The following IGFN1 variants were observed in gnomAD, a reference collection of about 807,000 sequenced individuals.
The protein encoded by IGFN1 is immunoglobulin-like and fibronectin type III domain-containing protein 1.
A neutral mutation model predicts 289.5 loss-of-function variants in IGFN1; 253 were observed. The observed-to-expected ratio is 0.87, with a 90% CI of 0.79 to 0.97. The LOEUF is 0.97. Ranked by LOEUF, IGFN1 falls within the 50% of genes least tolerant of loss-of-function variation. The probability of loss-of-function intolerance (pLI) is 0.00; values close to 1 mark genes in which losing one functional copy is unlikely to be tolerated. For synonymous variants in IGFN1, 1,706 were observed against 1,788.5 expected (o/e 0.95, Z 1.16); for missense variants, 4,470 against 4,686.1 (o/e 0.95, Z 1.35).
chr1:201,196,076 C>T, intron 4 of IGFN1, 98 bp downstream of exon 4: 4 of 1,221,614 alleles, frequency 3.3e-6, no homozygotes, highest in South Asian at 1.6e-5. Flanking sequence ...AGGAGTAAGA[C>T]ATACTCCTCG....
In IGFN1 at chr1:201,206,684, G is replaced by T; in HGVS notation, c.1791G>T (p.Trp597Cys). ...ACAGGCATGCCCCAGAGCAACTGTG[G>T]GATGCTCGACTGGGACCTGGGAGAG... ...QLDRHAPEQL[W>C]DARLGPGRGK... The change falls in exon 12 of 24, where the codon TGG becomes TGT. Residue 597 changes from tryptophan (W) to cysteine (C), a missense_variant. This residue lies in a region of IGFN1 where 2,011 missense variants were observed against 1,953.4 expected (regional missense o/e 1.03). Transcript: ENST00000335211. 6.5e-7 allele frequency: 1 copy of T among 1,537,056 alleles called. No individual in the cohort carries two copies. Among genetic ancestry groups the T allele is most frequent in the Non-Finnish European group, 8.7e-7 (1 of 1,146,898 alleles).
In IGFN1 at chr1:201,215,724, G is replaced by A; in HGVS notation, c.9181G>A (p.Gly3061Ser). The A allele has an allele frequency of 6.2e-7, 1 of 1,612,164 alleles. No homozygotes were observed. The highest frequency in any genetic ancestry group is 8.5e-7 in the Non-Finnish European group (1 of 1,179,150). ...GGAGGCCCAGGTGGACCTGGGGGAT[G>A]GCTACACGCGGCTGTGCCTCCCCAG... ...DREAQVDLGD[G>S]YTRLCLPSAG... Residue 3061 changes from glycine to serine, a missense_variant, in exon 15 of 24, where the codon GGC becomes AGC. Physicochemically the swap from Gly to Ser is moderately conservative, Grantham distance 56. Transcript: ENST00000335211.
In IGFN1 at chr1:201,212,137, T is replaced by A; in HGVS notation, c.7244T>A (p.Val2415Glu). ...GPERARETRL[V>E]DGAGPGVEPG... ...GAGCGAGCCAGGGAAACCAGGCTTGTGGATGGGGCAGGACCTGGGGTGGAA... is the reference window on the plus strand; with the variant it reads ...GAGCGAGCCAGGGAAACCAGGCTTGAGGATGGGGCAGGACCTGGGGTGGAA... The change falls in exon 12 of 24, where the codon GTG becomes GAG. Residue 2415 changes from valine to glutamate, a missense_variant. Val to Glu is a moderately radical substitution (Grantham distance 121, BLOSUM62 -2). This residue lies in a region of IGFN1 where 2,218 missense variants were observed against 2,114.1 expected (regional missense o/e 1.05). Transcript: ENST00000335211. 1.3e-6 allele frequency: 2 copies of A among 1,536,118 alleles called. No homozygotes were observed. Among genetic ancestry groups the A allele is most frequent in the Non-Finnish European group, 1.7e-6 (2 of 1,146,714 alleles).
At chr1:201,221,772 C>A (rs1391416732) in intron 19 of IGFN1, 26 bp downstream of exon 19, 2 of 1,548,526 alleles carry the variant, frequency 1.3e-6, no homozygotes, top group Non-Finnish European at 1.7e-6. Context: ...TTCCCCGACC[C>A]CTGAGCCCTG....
At position 201,214,251 on chromosome 1, in the gene IGFN1, A is replaced by G; in HGVS notation, c.8803A>G (p.Thr2935Ala). The G allele has an allele frequency of 6.2e-7, 1 of 1,613,546 alleles. No homozygotes were observed. The highest frequency in any genetic ancestry group is 8.5e-7 in the Non-Finnish European group (1 of 1,179,678). Residue 2935 changes from threonine to alanine, a missense_variant, in exon 13 of 24, where the codon ACC (threonine) becomes GCC (alanine). Transcript: ENST00000335211. ...QPGEAATLSC[T>A]LTSDLGPGTW... ...GGGGGAGGCCGCCACACTCTCCTGT[A>G]CCCTCACCAGTGACCTGGGACCTGG...
rs1197901206 is a variant in IGFN1, at chr1:201,213,111, G to A, written c.8218G>A (p.Gly2740Ser). The A allele has an allele frequency of 1.3e-6, 2 of 1,551,510 alleles. No individual in the cohort carries two copies. The highest frequency in any genetic ancestry group is 1.7e-6 in the Non-Finnish European group (2 of 1,146,990). Reference sequence around the variant, plus strand: ...GTCCGGACCTCAGGGAGCCTGGAATGGCTTAGATGGTCCCTTTGGCAGAAA... The same window carrying A: ...GTCCGGACCTCAGGGAGCCTGGAATAGCTTAGATGGTCCCTTTGGCAGAAA... ...GESGPQGAWN[G>S]LDGPFGRKAS... Residue 2740 changes from glycine to serine, a missense_variant, in exon 12 of 24, where the codon GGC (glycine) becomes AGC (serine). Gly to Ser is a moderately conservative substitution (Grantham distance 56, BLOSUM62 0). Transcript: ENST00000335211.
At chr1:201,204,012 C>G (rs1478494603) in intron 10 of IGFN1, 106 bp downstream of exon 10, 4 of 1,040,308 alleles carry the variant, frequency 3.8e-6, no homozygotes. Context: ...GTGGCCCCAG[C>G]TGCAAAAGAC....
At chr1:201,218,974 G>C (rs1238438818) in intron 18 of IGFN1, among the ~76,000 whole-genome samples, 1 of 151,734 alleles carries the variant, frequency 6.6e-6, no homozygotes, top group Non-Finnish European at 1.5e-5. Context: ...GGAGTTTGAG[G>C]CTGCAGTGAA....
intron 4 of IGFN1, among the ~76,000 whole-genome samples, chr1:201,196,323 A>C (rs1450831971): frequency 6.6e-6 from 1 of 152,212 alleles, no homozygotes; most frequent in Non-Finnish European, 1.5e-5. Context: ...AAATGGGATA[A>C]TAATAGTACC....
chr1:201,222,877 G>C, intron 20 of IGFN1, 50 bp downstream of exon 20: 1 of 1,335,824 alleles, frequency 7.5e-7, no homozygotes, highest in Non-Finnish European at 1.1e-6. Flanking sequence ...GAGGCCAAGG[G>C]GGCCAGACTC....
rs1455821343 is a variant in IGFN1, at chr1:201,228,703, G to C, written c.*304G>C. 2.2e-6 allele frequency: 1 copy of C among 451,190 alleles called. No individual in the cohort carries two copies. Among genetic ancestry groups the C allele is most frequent in the East Asian group, 4.2e-5 (1 of 23,696 alleles). 27.9% of individuals were successfully genotyped at this position (451,190 alleles called of 1,614,324 possible). On this transcript the variant is annotated 3_prime_UTR_variant, in exon 24 of 24. Coordinates refer to ENST00000335211, the MANE Select transcript of IGFN1 (RefSeq NM_001164586.2). ...GCTTCAGGAGATCCAGAGGGCACCT[G>C]CCTGCAGGATGGGCCGGCTCCTTAT...
Position 201,221,966 on chromosome 1 carries a change from T to C in IGFN1, c.10201+220T>C, listed in dbSNP as rs894390405. On this transcript the variant is annotated intron_variant, in intron 19 of 23. Coordinates refer to ENST00000335211, the MANE Select transcript of IGFN1 (RefSeq NM_001164586.2). ...TCATAACTATACTACAATATTAATG[T>C]TTTTATTCCGAAGTTACAGAGAAGG... 10 of 405,426 alleles carry C rather than the reference T, an allele frequency of 2.5e-5. No individual in the cohort carries two copies. The Admixed American group carries it at 2.6e-4, about 11-fold the overall frequency. 25.1% of individuals were successfully genotyped at this position (405,426 alleles called of 1,614,324 possible). A position where few individuals can be genotyped will look rare whatever the true frequency, so the allele number is the denominator to read the frequency against.
intron 20 of IGFN1, 82 bp from the exon 21 acceptor site, chr1:201,224,597 C>A: frequency 1.7e-6 from 2 of 1,182,504 alleles, no homozygotes; most frequent in Non-Finnish European, 2.5e-6. Flanking sequence ...ACCGCTTCTA[C>A]CTTTGGCCTA....
In IGFN1 at chr1:201,209,767, G is replaced by C; in HGVS notation, c.4874G>C (p.Gly1625Ala). The change falls in exon 12 of 24, where the codon GGG becomes GCG. Residue 1625 changes from glycine (G) to alanine (A), a missense_variant. Gly to Ala is a moderately conservative substitution (Grantham distance 60). Around this residue, in one of 8 missense-constraint regions of IGFN1, gnomAD observed 31 missense variants for 121.0 expected, o/e 0.26. Transcript: ENST00000335211. ...GSKAGFRDGL[G>A]GSEEMGSVNK... ...AAGGCAGGTTTTAGGGATGGTTTAG[G>C]GGGTTCTGAAGAAATGGGGTCAGTG... The C allele has an allele frequency of 8.0e-7, 1 of 1,254,206 alleles. No homozygotes were observed. Among genetic ancestry groups the C allele is most frequent in the Non-Finnish European group, 1.1e-6 (1 of 911,988 alleles). The allele number at this position is 1,254,206 out of a possible 1,614,324, so 77.7% of individuals were successfully genotyped here. A position where few individuals can be genotyped will look rare whatever the true frequency, so the allele number is the denominator to read the frequency against.
At position 201,194,233 on chromosome 1, in the gene IGFN1, G is replaced by T. The variant is rs563155391; in HGVS notation, c.87G>T (p.Pro29=). The change falls in exon 3 of 24, where the codon CCG becomes CCT. Residue 29 remains proline (P), a synonymous_variant. Transcript: ENST00000335211. ...AGATCCCTGAAGGCTGCAGCACGCC[G>T]GACTTTGAGCAGAAGCCCGTCACCT... ...VEEIPEGCST[P]DFEQKPVTSA... The T allele has an allele frequency of 6.4e-7, 1 of 1,551,572 alleles. No homozygotes were observed. Among genetic ancestry groups the T allele is most frequent in the South Asian group, 1.2e-5 (1 of 84,054 alleles).
At position 201,227,168 on chromosome 1, in the gene IGFN1, G is replaced by T. The variant is rs760288110; in HGVS notation, c.11073G>T (p.Thr3691=). 28 of 1,609,754 alleles carry T rather than the reference G, an allele frequency of 1.7e-5. No homozygotes were observed. Among genetic ancestry groups the T allele is most frequent in the South Asian group, 2.2e-5 (2 of 90,474 alleles). ...SGEYKAVAEN[T]LGQAVSTATL... Reference sequence around the variant, plus strand: ...AGTACAAGGCTGTGGCTGAGAACACGCTGGGCCAGGCAGTCAGCACTGCCA... The same window carrying T: ...AGTACAAGGCTGTGGCTGAGAACACTCTGGGCCAGGCAGTCAGCACTGCCA... Residue 3691 remains threonine (T), a synonymous_variant, in exon 23 of 24, where the codon ACG becomes ACT. Coordinates refer to ENST00000335211, the MANE Select transcript of IGFN1 (RefSeq NM_001164586.2).
intron 3 of IGFN1, among the ~76,000 whole-genome samples, chr1:201,194,713 C>A (rs1666816936): frequency 6.6e-6 from 1 of 152,170 alleles, no homozygotes; most frequent in Non-Finnish European, 1.5e-5. Flanking sequence ...TCAGGAAGGC[C>A]CTTCTAGAAG....
At chr1:201,203,003 G>A (rs933950022) in intron 9 of IGFN1, among the ~76,000 whole-genome samples, 5 of 151,958 alleles carry the variant, frequency 3.3e-5, no homozygotes, top group African/African-American at 4.8e-5. Context: ...TGATTCACCC[G>A]CCTCAGGCTC....
At position 201,221,458 on chromosome 1, in the gene IGFN1, G is replaced by A. The variant is rs565007693; in HGVS notation, c.9913G>A (p.Val3305Met). ...GTGCCTGGCAGGACCCCCTGGGCTG[G>A]TGAGGAATCTCCAAGTCACAGACAG... ...ARDPMRPPGL[V>M]RNLQVTDRSN... Residue 3305 changes from valine to methionine, a missense_variant, in exon 19 of 24, where the codon GTG becomes ATG. Around this residue, in one of 8 missense-constraint regions of IGFN1, gnomAD observed 2,218 missense variants for 2,114.1 expected, o/e 1.05. Coordinates refer to ENST00000335211, the MANE Select transcript of IGFN1 (RefSeq NM_001164586.2). The A allele has an allele frequency of 2.1e-4, 330 of 1,592,532 alleles. 2 individuals are homozygous for A. In the East Asian group the frequency reaches 5.8e-3, roughly 28 times the overall value.
Sources: gnomAD v4.1 joint callset for allele counts (sites outside exome capture counted in the v4.1 genomes callset) on GRCh38, gnomAD v4.1.1 for gene constraint, gnomAD v4.1.1 regional missense constraint, MANE v1.5 for transcripts, NCBI Gene and HGNC (gene_info 2026-07-23, HGNC 2026-07-21) for gene names.